Variants in ARHGAP28 observed in about 807,000 individuals in gnomAD.
ARHGAP28 encodes Rho GTPase activating protein 28.
A neutral mutation model predicts 90.7 loss-of-function variants in ARHGAP28; 56 were observed. The observed-to-expected ratio is 0.62, with a 90% CI of 0.50 to 0.77. ARHGAP28 has a LOEUF of 0.77. ARHGAP28 is among the 30% of genes least tolerant of loss of function. ARHGAP28 has a pLI of 0.00. For synonymous variants in ARHGAP28, 308 were observed against 323.3 expected (o/e 0.95, Z 0.51); for missense variants, 869 against 900.9 (o/e 0.96, Z 0.45).
At chr18:6,905,616 G>T (rs1431441145) in intron 16 of ARHGAP28, among the ~76,000 whole-genome samples, 3 of 152,040 alleles carry the variant, frequency 2.0e-5, no homozygotes, top group African/African-American at 7.2e-5. Context: ...AAGTCTATTT[G>T]CAGATGACCT....
At chr18:6,775,798 T>C (rs2056278932) in intron 1 of ARHGAP28, among the ~76,000 whole-genome samples, 2 of 152,234 alleles carry the variant, frequency 1.3e-5, no homozygotes, top group Admixed American at 1.3e-4. Context: ...TCCCCTCCCA[T>C]GCTCACTTTG....
chr18:6,733,059 C>T (rs185623071), intron 1 of ARHGAP28, among the ~76,000 whole-genome samples: 2 of 152,232 alleles, frequency 1.3e-5, no homozygotes, highest in East Asian at 3.9e-4. Context: ...TCAAAGGGAT[C>T]ACTCATTCTT....
At chr18:6,740,520 G>A (rs1047163521) in intron 1 of ARHGAP28, among the ~76,000 whole-genome samples, 1 of 152,138 alleles carries the variant, frequency 6.6e-6, no homozygotes, top group Non-Finnish European at 1.5e-5. Flanking sequence ...TGAATCCTCT[G>A]CAGAGGTCAG....
chr18:6,772,266 G>A (rs1172058572), intron 1 of ARHGAP28, among the ~76,000 whole-genome samples: 1 of 152,168 alleles, frequency 6.6e-6, no homozygotes, highest in Admixed American at 6.5e-5. Context: ...TTAATAGTAT[G>A]TTTCAACTGG....
intron 1 of ARHGAP28, among the ~76,000 whole-genome samples, chr18:6,733,436 T>C (rs2055900125): frequency 6.6e-6 from 1 of 152,098 alleles, no homozygotes; most frequent in Non-Finnish European, 1.5e-5. Context: ...GAGTTATTTC[T>C]TTTTTTATAT....
intron 1 of ARHGAP28, among the ~76,000 whole-genome samples, chr18:6,819,725 G>C (rs2056614342): frequency 6.6e-6 from 1 of 152,214 alleles, no homozygotes; most frequent in Non-Finnish European, 1.5e-5. Flanking sequence ...AAAGCAGAGA[G>C]AGATCTCTGT....
intron 1 of ARHGAP28, among the ~76,000 whole-genome samples, chr18:6,784,261 C>A (rs2056349592): frequency 6.6e-6 from 1 of 152,122 alleles, no homozygotes; most frequent in Non-Finnish European, 1.5e-5. Flanking sequence ...GTTAGAAATG[C>A]AGAATGTTAG....
At chr18:6,839,592 C>CA (rs1331241529) in intron 3 of ARHGAP28, among the ~76,000 whole-genome samples, 1 of 152,140 alleles carries the variant, frequency 6.6e-6, no homozygotes, top group Non-Finnish European at 1.5e-5. Context: ...CCACTGCGCC[C>CA]GGCCATAATT....
At chr18:6,839,479 A>G (rs1233367823) in intron 3 of ARHGAP28, among the ~76,000 whole-genome samples, 1 of 151,940 alleles carries the variant, frequency 6.6e-6, no homozygotes. Flanking sequence ...TTCTATTTGT[A>G]GTAGAGACAG....
intron 16 of ARHGAP28, among the ~76,000 whole-genome samples, chr18:6,900,336 T>TAA (rs2057331897): frequency 6.6e-6 from 1 of 152,090 alleles, no homozygotes; most frequent in Non-Finnish European, 1.5e-5. Context: ...AACACTAAAC[T>TAA]AAATCAAATT....
At chr18:6,857,911 G>T (rs575330046) in intron 4 of ARHGAP28, among the ~76,000 whole-genome samples, 1 of 152,326 alleles carries the variant, frequency 6.6e-6, no homozygotes, top group Non-Finnish European at 1.5e-5. Flanking sequence ...ATTGTTGATT[G>T]TGTGTTTGTG....
intron 1 of ARHGAP28, among the ~76,000 whole-genome samples, chr18:6,804,708 G>A (rs1037191418): frequency 2.6e-5 from 4 of 152,014 alleles, no homozygotes; most frequent in African/African-American, 9.7e-5. Flanking sequence ...AATATTCCAG[G>A]ATTTTCCAGA....
At chr18:6,828,534 T>A (rs1436539281) in intron 2 of ARHGAP28, among the ~76,000 whole-genome samples, 2 of 152,244 alleles carry the variant, frequency 1.3e-5, no homozygotes, top group Non-Finnish European at 2.9e-5. Context: ...TACATTTTCT[T>A]CTAGCATTTT....
chr18:6,826,231 T>C (rs1201279539), intron 2 of ARHGAP28, among the ~76,000 whole-genome samples: 3 of 152,068 alleles, frequency 2.0e-5, no homozygotes, highest in Non-Finnish European at 4.4e-5. Flanking sequence ...TAATTAGTGA[T>C]GATGAGCATT....
At chr18:6,883,756 C>G (rs1330041331) in intron 11 of ARHGAP28, among the ~76,000 whole-genome samples, 1 of 152,090 alleles carries the variant, frequency 6.6e-6, no homozygotes, top group Non-Finnish European at 1.5e-5. Flanking sequence ...ATAAAATAAT[C>G]TTTTGTGTCT....
Position 6,824,973 on chromosome 18 carries a change from C to T in ARHGAP28, c.325+9C>T, listed in dbSNP as rs992688579. 1 of 1,526,236 alleles carries T rather than the reference C, an allele frequency of 6.6e-7. No individual in the cohort carries two copies. Among genetic ancestry groups the T allele is most frequent in the East Asian group, 2.5e-5 (1 of 40,654 alleles). 94.5% of individuals were successfully genotyped at this position (1,526,236 alleles called of 1,614,324 possible). On this transcript the variant is annotated intron_variant, in intron 2 of 17. Coordinates refer to ENST00000383472, the MANE Select transcript of ARHGAP28 (RefSeq NM_001366230.1). ...GGTCACACCTGTGGATGGTAAGTTG[C>T]TGGATTTGTCTTCCTATGTGCTGAC...
chr18:6,741,558 G>A (rs376082441), intron 1 of ARHGAP28, among the ~76,000 whole-genome samples: 11 of 152,190 alleles, frequency 7.2e-5, no homozygotes, highest in African/African-American at 2.6e-4. Flanking sequence ...AGCTGATTTC[G>A]ATTATACCAA....
intron 2 of ARHGAP28, among the ~76,000 whole-genome samples, chr18:6,827,786 A>G (rs1174317598): frequency 3.5e-5 from 5 of 144,646 alleles, no homozygotes; most frequent in African/African-American, 1.3e-4. Flanking sequence ...CACTTCTCAG[A>G]CGGGGCGGCC....
Position 6,784,894 on chromosome 18 carries a change from A to T in ARHGAP28, c.123-39868A>T, listed in dbSNP as rs551412939. Among the ~76,000 whole-genome samples the T allele has an allele frequency of 2.0e-5, 3 of 152,350 alleles. No individual in the cohort carries two copies. The South Asian group carries it at 6.2e-4, about 32-fold the overall frequency. ...TCGAATGTTACATTTGACAAATAGCAGTATCTCTCCCAAGAACAGCTAGCA... is the reference window on the plus strand; with the variant it reads ...TCGAATGTTACATTTGACAAATAGCTGTATCTCTCCCAAGAACAGCTAGCA... On this transcript the variant is annotated intron_variant, in intron 1 of 17. Transcript: ENST00000383472.
Sources: gnomAD v4.1 joint callset for allele counts (sites outside exome capture counted in the v4.1 genomes callset) on GRCh38, gnomAD v4.1.1 for gene constraint, MANE v1.5 for transcripts, NCBI Gene and HGNC (gene_info 2026-07-23, HGNC 2026-07-21) for gene names.